The following NWD1 variants were observed in gnomAD, a reference collection of about 807,000 sequenced individuals.
NWD1 encodes the protein NACHT and WD repeat domain containing 1.
A neutral mutation model predicts 135.1 loss-of-function variants in NWD1; 129 were observed. That is an observed-to-expected ratio of 0.96 (90% CI 0.83 to 1.11). The LOEUF is 1.11. NWD1 is among the 50% of genes least tolerant of loss of function. The probability of loss-of-function intolerance (pLI) is 0.00; values close to 1 mark genes in which losing one functional copy is unlikely to be tolerated. For synonymous variants in NWD1, 773 were observed against 786.0 expected (o/e 0.98, Z 0.28); for missense variants, 1,740 against 1,851.3 (o/e 0.94, Z 1.10).
Position 16,815,775 on chromosome 19 carries a change from G to A in NWD1, c.*736G>A, listed in dbSNP as rs983290796. 1 of 158,390 alleles carries A rather than the reference G, an allele frequency of 6.3e-6. No homozygotes were observed. The highest frequency in any genetic ancestry group is 2.4e-5 in the African/African-American group (1 of 41,500). The allele number at this position is 158,390 out of a possible 1,614,324, so 9.8% of individuals were successfully genotyped here. On this transcript the variant is annotated 3_prime_UTR_variant, in exon 19 of 19. Coordinates refer to ENST00000524140, the MANE Select transcript of NWD1 (RefSeq NM_001007525.5). ...GATGCAAACTGGAGTTCTGGTACCA[G>A]ATGAAGGGGGAACGGATGAATGTGA... is the stretch of plus-strand genomic sequence containing the variant.
intron 10 of NWD1, among the ~76,000 whole-genome samples, chr19:16,769,746 C>T (rs567458376): frequency 6.6e-6 from 1 of 152,342 alleles, no homozygotes; most frequent in East Asian, 1.9e-4. Flanking sequence ...CTTGTCTGGC[C>T]ACCACTGAAG....
chr19:16,764,047 C>T (rs181562420), intron 9 of NWD1, 102 bp downstream of exon 9: 8 of 727,402 alleles, frequency 1.1e-5, no homozygotes, highest in African/African-American at 7.0e-5. Flanking sequence ...GGAAATCCTT[C>T]GTTCCTCCTA....
intron 2 of NWD1, chr19:16,727,237 G>A (rs1272245437): frequency 6.6e-6 from 1 of 152,368 alleles, no homozygotes; most frequent in Non-Finnish European, 1.5e-5. Context: ...CTCTGAGGAC[G>A]AGGAGCTGGG....
intron 12 of NWD1, among the ~76,000 whole-genome samples, chr19:16,784,705 C>T (rs1162775803): frequency 6.6e-6 from 1 of 151,852 alleles, no homozygotes; most frequent in African/African-American, 2.4e-5. Flanking sequence ...CCAAGGTGGG[C>T]AGATCACGAG....
rs774399530 is a variant in NWD1, at chr19:16,773,337, G to C, written c.2608+14G>C. The C allele has an allele frequency of 2.1e-5, 34 of 1,606,336 alleles. No individual in the cohort carries two copies. Among genetic ancestry groups the C allele is most frequent in the Non-Finnish European group, 1.7e-6 (2 of 1,176,578 alleles). On this transcript the variant is annotated intron_variant, in intron 11 of 18. Transcript: ENST00000524140. The stretch of plus-strand genomic sequence containing the variant: ...GCTGTCACAAAGGTGAGTCTCCCCA[G>C]CATAGCAAAAATCCCAGCAGGCACC...
At chr19:16,793,223 C>T (rs538045595) in intron 14 of NWD1, among the ~76,000 whole-genome samples, 1 of 152,098 alleles carries the variant, frequency 6.6e-6, no homozygotes, top group Admixed American at 6.6e-5. Context: ...TTTCTCAAGC[C>T]TCTTTGCAGA....
rs571755673 is a variant in NWD1, at chr19:16,758,098, A to G, written c.1770-1127A>G. On this transcript the variant is annotated intron_variant, in intron 6 of 18. Transcript: ENST00000524140. The stretch of plus-strand genomic sequence containing the variant: ...GAAAGAGTACAGTGTTGGGTATGAC[A>G]TTATTACCAATATGGTAACTACAAG... Among the ~76,000 whole-genome samples the G allele has an allele frequency of 9.2e-5, 14 of 152,196 alleles. No individual in the cohort carries two copies. The East Asian group carries it at 2.7e-3, about 29-fold the overall frequency.
intron 13 of NWD1, 83 bp downstream of exon 13, chr19:16,789,273 C>A: frequency 1.9e-6 from 2 of 1,052,432 alleles, no homozygotes; most frequent in Non-Finnish European, 1.4e-6. Context: ...ATAAGGAGGG[C>A]TCCCTGATAC....
intron 11 of NWD1, 67 bp downstream of exon 11, chr19:16,773,390 G>A (rs1433644849): frequency 1.4e-6 from 2 of 1,400,170 alleles, no homozygotes; most frequent in African/African-American, 2.8e-5. Context: ...TGAAGGCCAG[G>A]TGTTTGAGGT....
At position 16,736,731 on chromosome 19, in the gene NWD1, C is replaced by G. The variant is rs1233806449; in HGVS notation, c.179C>G (p.Ser60Cys). ...GAGGTTGACCGGTGTTGGAAAACAT[C>G]CATAGGGCCAGCTTTTGTTGTGAGT... ...LEEVDRCWKT[S>C]IGPAFVALIG... The change falls in exon 4 of 19, where the codon TCC becomes TGC. Residue 60 changes from serine to cysteine, a missense_variant. Ser to Cys is a moderately radical substitution (Grantham distance 112). Coordinates refer to ENST00000524140, the MANE Select transcript of NWD1 (RefSeq NM_001007525.5). 1.3e-6 allele frequency: 2 copies of G among 1,533,466 alleles called. No individual in the cohort carries two copies. The allele number at this position is 1,533,466 out of a possible 1,614,324, so 95.0% of individuals were successfully genotyped here.
chr19:16,762,766 T>C (rs562405976), intron 8 of NWD1, among the ~76,000 whole-genome samples: 1 of 151,976 alleles, frequency 6.6e-6, no homozygotes, highest in East Asian at 1.9e-4. Flanking sequence ...TGCTGCCTTT[T>C]CTTTTTCCCT....
chr19:16,787,103 G>A (rs1210923667), intron 12 of NWD1, among the ~76,000 whole-genome samples: 1 of 151,942 alleles, frequency 6.6e-6, no homozygotes, highest in Non-Finnish European at 1.5e-5. Context: ...GTTTTGCTTA[G>A]CAAATAGCTC....
At chr19:16,764,946 G>C in intron 9 of NWD1, 88 bp from the exon 10 acceptor site, 1 of 1,419,648 alleles carries the variant, frequency 7.0e-7, no homozygotes, top group East Asian at 2.3e-5. Context: ...AGATGCCCTG[G>C]AGGAAATGGA....
intron 18 of NWD1, among the ~76,000 whole-genome samples, chr19:16,814,417 A>G (rs1449635161): frequency 1.3e-5 from 2 of 152,164 alleles, no homozygotes; most frequent in Non-Finnish European, 2.9e-5. Context: ...CCCTTATGAC[A>G]CTAGTAGGAG....
intron 6 of NWD1, among the ~76,000 whole-genome samples, chr19:16,755,558 T>A (rs1383945504): frequency 6.6e-6 from 1 of 151,798 alleles, no homozygotes; most frequent in Non-Finnish European, 1.5e-5. Context: ...CTGGCTAATT[T>A]TTGTATCTTT....
chr19:16,774,380 CCTG>C (rs1449724508), intron 11 of NWD1, among the ~76,000 whole-genome samples: 2 of 151,632 alleles, frequency 1.3e-5, no homozygotes, highest in African/African-American at 4.8e-5. Context: ...ATCTACCCAC[CCTG>C]CTACCTTTCC....
At chr19:16,722,148 A>T (rs548117164) in intron 1 of NWD1, among the ~76,000 whole-genome samples, 10 of 151,360 alleles carry the variant, frequency 6.6e-5, no homozygotes, top group African/African-American at 1.7e-4. Context: ...CAACTAAAAA[A>T]CTAGCTAGGC....
intron 11 of NWD1, among the ~76,000 whole-genome samples, chr19:16,774,854 C>T (rs567891184): frequency 7.2e-5 from 11 of 151,736 alleles, no homozygotes; most frequent in Non-Finnish European, 1.5e-4. Flanking sequence ...CATTCACTTA[C>T]GCCTCCACCC....
intron 12 of NWD1, among the ~76,000 whole-genome samples, chr19:16,787,895 AATAATAATAATC>A (rs1182406809): frequency 2.5e-4 from 21 of 83,234 alleles, no homozygotes; most frequent in African/African-American, 8.0e-4. Context: ...TAATAATAAT[AATAATAATAATC>A]ATCATCATCA....
Sources: allele counts gnomAD v4.1 joint callset (sites outside exome capture counted in the v4.1 genomes callset), GRCh38; gene constraint gnomAD v4.1.1; transcripts MANE v1.5; gene names NCBI Gene and HGNC (gene_info 2026-07-23, HGNC 2026-07-21).